The following CEACAM1 variants were observed in gnomAD, a reference collection of about 807,000 sequenced individuals.
CEACAM1 encodes the protein CEA cell adhesion molecule 1.
Under a neutral mutation model 49.1 loss-of-function variants are expected in CEACAM1, and 31 were observed. The observed-to-expected ratio is 0.63, with a 90% CI of 0.47 to 0.85. The LOEUF is 0.85. Ranked by LOEUF, CEACAM1 falls within the 40% of genes least tolerant of loss-of-function variation. The probability of loss-of-function intolerance (pLI) is 0.00; values close to 1 mark genes in which losing one functional copy is unlikely to be tolerated. For synonymous variants in CEACAM1, 244 were observed against 247.8 expected, an observed-to-expected ratio of 0.98 and a Z score of 0.14; for missense variants, 570 against 645.3, an observed-to-expected ratio of 0.88 and a Z score of 1.26.
chr19:42,516,003 C>A (rs746783564), intron 5 of CEACAM1, among the ~76,000 whole-genome samples: 2 of 152,212 alleles, frequency 1.3e-5, no homozygotes, highest in Non-Finnish European at 2.9e-5. Flanking sequence ...CTAAAAAACA[C>A]TGAAACTAGG....
chr19:42,521,966 C>T lies in CEACAM1; in HGVS notation c.661G>A (p.Val221Met). The change falls in exon 3 of 9, where the codon GTG (valine) becomes ATG (methionine). Residue 221 changes from valine (V) to methionine (M), a missense_variant. Transcript: ENST00000161559. ...GPYECEIQNP[V>M]SANRSDPVTL... ...ACTGGGTCACTGCGGTTCGCACTCA[C>T]TGGGTTCTGTATTTCACACTCATAG... 6.2e-7 allele frequency: 1 copy of T among 1,614,254 alleles called. No homozygotes were observed. Among genetic ancestry groups the T allele is most frequent in the Non-Finnish European group, 8.5e-7 (1 of 1,180,046 alleles).
chr19:42,521,961 A>G lies in CEACAM1; in HGVS notation c.666T>C (p.Ser222=), dbSNP rs1271000922. Residue 222 remains serine (S), a synonymous_variant, in exon 3 of 9, where the codon AGT becomes AGC. Transcript: ENST00000161559. ...PYECEIQNPV[S]ANRSDPVTLN... is the part of the protein sequence containing the mutation. ...AGGTGACTGGGTCACTGCGGTTCGCACTCACTGGGTTCTGTATTTCACACT... is the reference window on the plus strand; with the variant it reads ...AGGTGACTGGGTCACTGCGGTTCGCGCTCACTGGGTTCTGTATTTCACACT... 3 of 1,614,192 alleles carry G rather than the reference A, an allele frequency of 1.9e-6. No homozygotes were observed. In the South Asian group the frequency reaches 3.3e-5, roughly 18 times the overall value.
chr19:42,517,180 C>G (rs2041620134), intron 5 of CEACAM1, among the ~76,000 whole-genome samples: 1 of 152,078 alleles, frequency 6.6e-6, no homozygotes, highest in Admixed American at 6.5e-5. Context: ...AAAATTAATT[C>G]AAAATGCATA....
chr19:42,527,015 C>T (rs1663234789), intron 2 of CEACAM1, 26 bp downstream of exon 2: 5 of 1,579,454 alleles, frequency 3.2e-6, no homozygotes, highest in Non-Finnish European at 4.3e-6. Context: ...CCCCCCAACA[C>T]CCAGAGGTCA....
chr19:42,513,702 C>T (rs2041519389), intron 5 of CEACAM1, among the ~76,000 whole-genome samples: 1 of 149,666 alleles, frequency 6.7e-6, no homozygotes, highest in African/African-American at 2.5e-5. Flanking sequence ...CTCTCACTCT[C>T]GCCTTACTTT....
intron 5 of CEACAM1, 96 bp downstream of exon 5, chr19:42,518,852 A>C: frequency 7.3e-7 from 1 of 1,377,322 alleles, no homozygotes; most frequent in Admixed American, 1.7e-5. Context: ...TGGTCTCTTC[A>C]TTGATATTCT....
At chr19:42,512,306 A>G in intron 6 of CEACAM1, 44 bp downstream of exon 6, 1 of 1,609,306 alleles carries the variant, frequency 6.2e-7, no homozygotes, top group Non-Finnish European at 8.5e-7. Context: ...CAAGCATGGC[A>G]GTCAGCCTTG....
chr19:42,522,266 T>C, intron 2 of CEACAM1, 64 bp from the exon 3 acceptor site: 2 of 1,572,274 alleles, frequency 1.3e-6, no homozygotes, highest in Admixed American at 4.0e-5. Flanking sequence ...CAGGCATTTT[T>C]CTTTTCTTAT....
At chr19:42,523,261 G>T (rs527868977) in intron 2 of CEACAM1, among the ~76,000 whole-genome samples, 8 of 152,320 alleles carry the variant, frequency 5.3e-5, no homozygotes, top group African/African-American at 1.9e-4. Context: ...AAACCCTGAG[G>T]ATACTGAGCA....
rs1482656260 is a variant in CEACAM1 at position 42,508,846 on chromosome 19, G to T, written c.*263C>A. The T allele has an allele frequency of 2.4e-6, 1 of 415,422 alleles. No homozygotes were observed. The highest frequency in any genetic ancestry group is 4.4e-6 in the Non-Finnish European group (1 of 227,750). 25.7% of individuals were successfully genotyped at this position (415,422 alleles called of 1,614,324 possible). A position where few individuals can be genotyped will look rare whatever the true frequency, so the allele number is the denominator to read the frequency against. On this transcript the variant is annotated 3_prime_UTR_variant, in exon 9 of 9. Transcript: ENST00000161559. ...AAAAGGGGAAGGGAGGGGAAGTTCT[G>T]GTCCCTCTTTCCCAAAGTCAGCTTT...
chr19:42,519,574 T>TC (rs1350067921), intron 4 of CEACAM1: 1 of 213,196 alleles, frequency 4.7e-6, no homozygotes, highest in African/African-American at 2.4e-5. Flanking sequence ...CACTGACTTT[T>TC]TTTTTTTTTT....
intron 2 of CEACAM1, among the ~76,000 whole-genome samples, chr19:42,524,477 CT>C (rs1306854176): frequency 1.1e-4 from 16 of 152,324 alleles, no homozygotes; most frequent in African/African-American, 3.6e-4. Context: ...TCCCTGTCCC[CT>C]GGCCTGTTCC....
intron 5 of CEACAM1, among the ~76,000 whole-genome samples, chr19:42,515,502 G>A: frequency 6.6e-6 from 1 of 152,062 alleles, no homozygotes; most frequent in East Asian, 1.9e-4. Context: ...GTGAAACCCT[G>A]TCTCTACAAA....
Position 42,519,061 on chromosome 19 carries a change from T to A in CEACAM1, c.1133A>T (p.Asn378Ile). ...GACAGGGTTTATGCTGAGGGTGGTG[T>A]TGCCCTGGGACAGCTTCATCCTCTC... ...SSERMKLSQG[N>I]TTLSINPVKR... The change falls in exon 5 of 9, where the codon AAC (asparagine) becomes ATC (isoleucine). Residue 378 changes from asparagine (N) to isoleucine (I), a missense_variant. Physicochemically the swap from Asn to Ile is moderately radical, Grantham distance 149. Coordinates refer to ENST00000161559, the MANE Select transcript of CEACAM1 (RefSeq NM_001712.5). 6.2e-7 allele frequency: 1 copy of A among 1,614,156 alleles called. No homozygotes were observed. The highest frequency in any genetic ancestry group is 8.5e-7 in the Non-Finnish European group (1 of 1,180,018).
chr19:42,518,567 G>C (rs1838012415), intron 5 of CEACAM1: 1 of 225,280 alleles, frequency 4.4e-6, no homozygotes, highest in African/African-American at 2.5e-5. Context: ...GCACCATCTC[G>C]GCTCACTGAA....
Position 42,514,531 on chromosome 19 carries a change from G to A in CEACAM1, c.1247-2052C>T, listed in dbSNP as rs555511143. Among the ~76,000 whole-genome samples, 4 of 152,244 alleles carry A rather than the reference G, an allele frequency of 2.6e-5. No homozygotes were observed. The South Asian group carries it at 6.2e-4, about 24-fold the overall frequency. On this transcript the variant is annotated intron_variant, in intron 5 of 8. Coordinates refer to ENST00000161559, the MANE Select transcript of CEACAM1 (RefSeq NM_001712.5). ...TGGGCTCAAGAGATCCTCCAGCCTC[G>A]GCCTCCCAAATGTTGGGATTACAGG...
At chr19:42,509,371 T>C (rs2147763158) in intron 8 of CEACAM1, 143 bp from the exon 9 acceptor site, 9 of 858,682 alleles carry the variant, frequency 1.0e-5, no homozygotes, top group Non-Finnish European at 1.6e-5. Flanking sequence ...CATTCTCTGC[T>C]TGCTGACCTC....
In CEACAM1 at chr19:42,522,099, G is replaced by T. The variant is rs1287231686; in HGVS notation, c.528C>A (p.Tyr176Ter). 3 of 1,614,060 alleles carry T rather than the reference G, an allele frequency of 1.9e-6. No homozygotes were observed. The highest frequency in any genetic ancestry group is 2.5e-6 in the Non-Finnish European group (3 of 1,180,044). ...TCEPETQDTT[Y>*]LWWINNQSLP... is the part of the protein sequence containing the mutation. ...GGCTCTGATTGTTTATCCACCACAG[G>T]TAGGTTGTGTCCTGAGTCTCAGGTT... Residue 176 changes from tyrosine (Y) to a stop codon, truncating the protein, a stop_gained, in exon 3 of 9, where the codon TAC becomes TAA. Coordinates refer to ENST00000161559, the MANE Select transcript of CEACAM1 (RefSeq NM_001712.5). LOFTEE classifies it high-confidence loss of function.
At chr19:42,524,897 G>A (rs1415983191) in intron 2 of CEACAM1, among the ~76,000 whole-genome samples, 1 of 152,158 alleles carries the variant, frequency 6.6e-6, no homozygotes, top group Non-Finnish European at 1.5e-5. Flanking sequence ...GGTACTTGGG[G>A]TGGCTTTAGG....
Sources: gnomAD v4.1 joint callset for allele counts (sites outside exome capture counted in the v4.1 genomes callset) on GRCh38, gnomAD v4.1.1 for gene constraint, MANE v1.5 for transcripts, NCBI Gene and HGNC (gene_info 2026-07-23, HGNC 2026-07-21) for gene names.